TBC1D25: variants seen among roughly 807,000 people sequenced by gnomAD.
TBC1D25 encodes the protein 5SN3 snoRNA.
TBC1D25 carries 13 observed loss-of-function variants against 38.8 expected under a neutral mutation model. That is an observed-to-expected ratio of 0.34 (90% CI 0.22 to 0.53). The LOEUF (loss-of-function observed/expected upper bound fraction) is 0.53. Ranked by LOEUF, TBC1D25 falls within the 20% of genes least tolerant of loss-of-function variation. The pLI is 0.94. For missense variants in TBC1D25, 372 were observed against 600.0 expected, an observed-to-expected ratio of 0.62 and a Z score of 3.97; for synonymous variants, 225 against 255.6, an observed-to-expected ratio of 0.88 and a Z score of 1.14.
chrX:48,552,320 G>C, intron 3 of TBC1D25, among the ~76,000 whole-genome samples: 1 of 103,531 alleles, frequency 9.7e-6, no homozygotes, highest in East Asian at 3.0e-4. Context: ...CCGAGTAGCT[G>C]GGATTACAGG....
Position 48,558,978 on chromosome X carries a change from C to T in TBC1D25, c.470C>T (p.Ser157Leu). The change falls in exon 4 of 6, where the codon TCA becomes TTA. Residue 157 changes from serine to leucine, a missense_variant. Coordinates refer to ENST00000376771, the MANE Select transcript of TBC1D25 (RefSeq NM_002536.4). The stretch of plus-strand genomic sequence containing the variant: ...GTGTTGCTGGCTGAGAAACGGTCAT[C>T]ACTGACGACTGCCGCCCTGCCCTTT... ...SDVLLAEKRS[S>L]LTTAALPFTQ... 2 of 1,211,838 alleles carry T rather than the reference C, an allele frequency of 1.7e-6. No homozygotes were observed.
intron 3 of TBC1D25, 34 bp from the exon 4 acceptor site, chrX:48,558,863 C>T (rs782707127): frequency 8.3e-7 from 1 of 1,209,319 alleles, no homozygotes; most frequent in Admixed American, 2.2e-5. Flanking sequence ...GGTTATCATC[C>T]CCATTCTTAT....
At chrX:48,547,302 A>T in intron 3 of TBC1D25, among the ~76,000 whole-genome samples, 1 of 111,945 alleles carries the variant, frequency 8.9e-6, no homozygotes, top group Non-Finnish European at 1.9e-5. Context: ...GCAGCTTTGC[A>T]AAAGAGAGAC....
chrX:48,555,581 T>C (rs1157369729), intron 3 of TBC1D25, among the ~76,000 whole-genome samples: 1 of 110,979 alleles, frequency 9.0e-6, no homozygotes, highest in African/African-American at 3.3e-5. Context: ...AGACGAGAGA[T>C]TGAGAAAAGA....
intron 3 of TBC1D25, among the ~76,000 whole-genome samples, chrX:48,555,418 A>G (rs2061967252): frequency 8.9e-6 from 1 of 111,927 alleles, no homozygotes; most frequent in Non-Finnish European, 1.9e-5. Flanking sequence ...AGTGGCTTAA[A>G]CAGATAGAAG....
chrX:48,559,438 A>G lies in TBC1D25; in HGVS notation c.705+92A>G, dbSNP rs1459116619. 2.3e-5 allele frequency: 25 copies of G among 1,078,115 alleles called. No homozygotes were observed. In the Middle Eastern group the frequency reaches 9.6e-4, roughly 41 times the overall value. 88.8% of individuals were successfully genotyped at this position (1,078,115 alleles called of 1,213,427 possible). On this transcript the variant is annotated intron_variant, in intron 5 of 5. Transcript: ENST00000376771. Reference sequence around the variant, plus strand: ...GCAGTCAGCCACACTGCTGTGGGCAAGGGTGGAGATGTTACAGGGCACGAA... The same window carrying G: ...GCAGTCAGCCACACTGCTGTGGGCAGGGGTGGAGATGTTACAGGGCACGAA...
intron 3 of TBC1D25, among the ~76,000 whole-genome samples, chrX:48,552,372 T>G (rs1327174145): frequency 3.4e-5 from 3 of 88,924 alleles, no homozygotes; most frequent in Non-Finnish European, 6.3e-5. Context: ...TTTTTTTTTT[T>G]GAGATGGAGT....
chrX:48,555,800 T>C (rs1423226711), intron 3 of TBC1D25, among the ~76,000 whole-genome samples: 1 of 109,692 alleles, frequency 9.1e-6, no homozygotes, highest in Non-Finnish European at 1.9e-5. Context: ...AGCAAAGGAA[T>C]CTGTATCATG....
At chrX:48,541,991 G>T (rs1484991845) in intron 2 of TBC1D25, among the ~76,000 whole-genome samples, 2 of 108,148 alleles carry the variant, frequency 1.8e-5, no homozygotes, top group Non-Finnish European at 3.8e-5. Flanking sequence ...ATGTTTGGTA[G>T]GATAAATGTG....
chrX:48,553,616 CTTTTTTTTTTTTTTTT>C, intron 3 of TBC1D25, among the ~76,000 whole-genome samples: 1 of 53,274 alleles, frequency 1.9e-5, no homozygotes, highest in Non-Finnish European at 3.1e-5. Flanking sequence ...TTTTCTTTTT[CTTTTTTTTTTTTTTTT>C]TTTTTTGAGG....
chrX:48,539,985 T>C, intron 1 of TBC1D25, 65 bp downstream of exon 1: 2 of 941,467 alleles, frequency 2.1e-6, no homozygotes, highest in Admixed American at 5.8e-5. Context: ...GCGGTGGCTG[T>C]CATAGGATGG....
At chrX:48,555,364 T>C (rs2147188722) in intron 3 of TBC1D25, among the ~76,000 whole-genome samples, 1 of 111,337 alleles carries the variant, frequency 9.0e-6, no homozygotes, top group South Asian at 3.8e-4. Flanking sequence ...AAAATTGGGC[T>C]CCATGGGAAT....
rs782144973 is a variant in TBC1D25 at position 48,544,955 on chromosome X, G to A, written c.320G>A (p.Ser107Asn). ...TCACTTCTATCTGACTGGGACCTCA[G>A]CACAGCCTTTGCCACTGCCTCCAAA... ...YLSLLSDWDL[S>N]TAFATASKPY... Residue 107 changes from serine (S) to asparagine (N), a missense_variant, in exon 3 of 6, where the codon AGC (serine) becomes AAC (asparagine). Coordinates refer to ENST00000376771, the MANE Select transcript of TBC1D25 (RefSeq NM_002536.4). 2.9e-5 allele frequency: 35 copies of A among 1,210,176 alleles called. No individual in the cohort carries two copies. The highest frequency in any genetic ancestry group is 4.4e-5 in the Admixed American group (2 of 45,765).
chrX:48,544,248 C>CA (rs1260018957), intron 2 of TBC1D25, among the ~76,000 whole-genome samples: 1 of 107,993 alleles, frequency 9.3e-6, no homozygotes, highest in Non-Finnish European at 1.9e-5. Context: ...ACACAGATTG[C>CA]TTTTTTTTTA....
intron 3 of TBC1D25, among the ~76,000 whole-genome samples, chrX:48,551,665 C>T (rs987264840): frequency 2.9e-5 from 3 of 104,474 alleles, no homozygotes; most frequent in Admixed American, 1.1e-4. Flanking sequence ...ACATTGTTGC[C>T]CAGGCTGGAG....
At chrX:48,549,562 C>T (rs1275899392) in intron 3 of TBC1D25, among the ~76,000 whole-genome samples, 3 of 112,685 alleles carry the variant, frequency 2.7e-5, no homozygotes, top group East Asian at 2.8e-4. Flanking sequence ...AGTGCGATGG[C>T]GCGATCTCGG....
Position 48,562,171 on chromosome X carries a change from A to G in TBC1D25, c.*1196A>G, listed in dbSNP as rs1393467559. On this transcript the variant is annotated 3_prime_UTR_variant, in exon 6 of 6. Transcript: ENST00000376771. ...CCACACCAGCTTCTCCCAAGTACTA[A>G]CCAGGCTTGACCCTGCTTAGCTTCA... is the stretch of plus-strand genomic sequence containing the variant. 1 of 111,654 alleles carries G rather than the reference A, an allele frequency of 9.0e-6. No individual in the cohort carries two copies. The highest frequency in any genetic ancestry group is 1.9e-5 in the Non-Finnish European group (1 of 53,174). 9.2% of individuals were successfully genotyped at this position (111,654 alleles called of 1,213,427 possible).
At position 48,561,320 on chromosome X, in the gene TBC1D25, A is replaced by C. The variant is rs2062024923; in HGVS notation, c.*345A>C. 1 of 193,855 alleles carries C rather than the reference A, an allele frequency of 5.2e-6. No individual in the cohort carries two copies. Among genetic ancestry groups the C allele is most frequent in the Non-Finnish European group, 9.4e-6 (1 of 106,902 alleles). The allele number at this position is 193,855 out of a possible 1,213,427, so 16.0% of individuals were successfully genotyped here. ...GGAGGGGAAATACTTCACTTGGTGG[A>C]GAGAGGCTCCAGCTTCCCCCTTGTG... On this transcript the variant is annotated 3_prime_UTR_variant, in exon 6 of 6. Coordinates refer to ENST00000376771, the MANE Select transcript of TBC1D25 (RefSeq NM_002536.4).
At chrX:48,553,616 CTTTTTTTT>C (rs1209605714) in intron 3 of TBC1D25, among the ~76,000 whole-genome samples, 1 of 53,297 alleles carries the variant, frequency 1.9e-5, no homozygotes, top group African/African-American at 8.4e-5. Context: ...TTTTCTTTTT[CTTTTTTTT>C]TTTTTTTTTT....
Sources: allele counts gnomAD v4.1 joint callset (sites outside exome capture counted in the v4.1 genomes callset), GRCh38; gene constraint gnomAD v4.1.1; transcripts MANE v1.5; gene names NCBI Gene and HGNC (gene_info 2026-07-23, HGNC 2026-07-21).